Variants in DCAF6 observed in about 807,000 individuals in gnomAD.
DCAF6 encodes DDB1- and CUL4-associated factor 6.
A neutral mutation model predicts 125.1 loss-of-function variants in DCAF6; 54 were observed. The ratio of observed to expected loss-of-function variants is 0.43; its 90% CI spans 0.35 to 0.54. The LOEUF (loss-of-function observed/expected upper bound fraction) is 0.54. Among genes scored for constraint, DCAF6 ranks in the 20% least tolerant of loss-of-function variants. The pLI is 0.01. For missense variants in DCAF6, 934 were observed against 1,161.7 expected (o/e 0.80, Z 2.85); for synonymous variants, 371 against 390.4 (o/e 0.95, Z 0.58).
At chr1:168,021,890 C>G (rs1165707292) in intron 11 of DCAF6, among the ~76,000 whole-genome samples, 1 of 152,148 alleles carries the variant, frequency 6.6e-6, no homozygotes, top group South Asian at 2.1e-4. Context: ...CCATTATGAG[C>G]AGAAACTGGT....
chr1:168,064,908 C>T (rs1172877233), intron 18 of DCAF6, among the ~76,000 whole-genome samples: 1 of 152,132 alleles, frequency 6.6e-6, no homozygotes, highest in African/African-American at 2.4e-5. Flanking sequence ...GATTCTGCTT[C>T]ATAAAATTAA....
At chr1:167,976,645 T>C (rs1171875224) in intron 4 of DCAF6, among the ~76,000 whole-genome samples, 2 of 152,194 alleles carry the variant, frequency 1.3e-5, no homozygotes, top group Non-Finnish European at 2.9e-5. Flanking sequence ...AGTAAATATT[T>C]CTACTCTTCT....
chr1:168,009,399 CTT>C (rs1401675589), intron 10 of DCAF6, among the ~76,000 whole-genome samples: 2 of 138,696 alleles, frequency 1.4e-5, no homozygotes, highest in Admixed American at 7.0e-5. Context: ...TTCTTTCTTT[CTT>C]TCTCTCTCTC....
the DCAF6 span, among the ~76,000 whole-genome samples, chr1:167,864,195 G>T: frequency 6.6e-6 from 1 of 152,122 alleles, no homozygotes; most frequent in South Asian, 2.1e-4. Context: ...CTTTTTACCC[G>T]TTCTTTGTTT....
chr1:168,043,197 C>A, intron 14 of DCAF6, 57 bp downstream of exon 14: 1 of 1,254,226 alleles, frequency 8.0e-7, no homozygotes, highest in Non-Finnish European at 1.2e-6. Context: ...TGTTTATCTA[C>A]TTTCCTGTTC....
chr1:168,056,641 T>C (rs1363790676), intron 17 of DCAF6, among the ~76,000 whole-genome samples: 4 of 152,252 alleles, frequency 2.6e-5, no homozygotes, highest in Admixed American at 1.3e-4. Context: ...AATACTACAT[T>C]GTGTATACCT....
the DCAF6 span, chr1:167,920,714 T>C: frequency 5.2e-5 from 71 of 1,367,224 alleles, no homozygotes; most frequent in Non-Finnish European, 6.5e-5. Context: ...CAAGACATTT[T>C]TGAGATTTCC....
the DCAF6 span, among the ~76,000 whole-genome samples, chr1:167,887,555 G>T: frequency 6.6e-6 from 1 of 152,110 alleles, no homozygotes; most frequent in Non-Finnish European, 1.5e-5. Flanking sequence ...TGGGCTGGGG[G>T]GAAGGGGGAG....
intron 6 of DCAF6, among the ~76,000 whole-genome samples, chr1:167,992,532 T>G (rs1288920250): frequency 2.6e-5 from 4 of 152,196 alleles, no homozygotes; most frequent in African/African-American, 9.6e-5. Flanking sequence ...TAATATAATA[T>G]GAAATAATAG....
At chr1:167,889,189 A>C in the DCAF6 span, among the ~76,000 whole-genome samples, 1 of 152,166 alleles carries the variant, frequency 6.6e-6, no homozygotes, top group Non-Finnish European at 1.5e-5. Flanking sequence ...CTCCCTATTC[A>C]TTATGATACT....
chr1:167,982,175 C>T (rs1208908444), intron 4 of DCAF6, among the ~76,000 whole-genome samples: 5 of 151,980 alleles, frequency 3.3e-5, no homozygotes, highest in Non-Finnish European at 7.4e-5. Flanking sequence ...ATGCCTTTGG[C>T]GAAGTGTCTG....
chr1:167,919,840 TTA>T, the DCAF6 span: 5 of 537,070 alleles, frequency 9.3e-6, no homozygotes, highest in Non-Finnish European at 1.7e-5. Context: ...TGTCTTAGCA[TTA>T]TATATGAATC....
chr1:168,067,552 G>T (rs968473561), intron 20 of DCAF6, among the ~76,000 whole-genome samples: 2 of 152,214 alleles, frequency 1.3e-5, no homozygotes, highest in African/African-American at 4.8e-5. Flanking sequence ...ATGTGCCAAA[G>T]CATGAGAGGG....
intron 12 of DCAF6, among the ~76,000 whole-genome samples, chr1:168,024,636 T>G (rs1188610148): frequency 2.0e-5 from 3 of 151,966 alleles, no homozygotes; most frequent in Non-Finnish European, 2.9e-5. Flanking sequence ...TGAAACCCTG[T>G]CTCTACTAAA....
At position 168,023,044 on chromosome 1, in the gene DCAF6, C is replaced by T. The variant is rs780440274; in HGVS notation, c.1606C>T (p.Gln536Ter). Residue 536 changes from glutamine (Q) to a stop codon, truncating the protein, a stop_gained, in exon 12 of 22, where the codon CAG becomes TAG. Transcript: ENST00000367840. LOFTEE classifies it high-confidence loss of function. ...QLGSMSLDEQQDNNNEKLSPK... is the reference protein window; with the variant it reads ...QLGSMSLDEQ ...CGGATCCATGTCACTTGACGAGCAA[C>T]AGGGTGCGTGCAACAGGAGATGCGC... 6 of 1,614,124 alleles carry T rather than the reference C, an allele frequency of 3.7e-6. No homozygotes were observed. The highest frequency in any genetic ancestry group is 5.1e-6 in the Non-Finnish European group (6 of 1,180,002).
chr1:167,960,565 G>A (rs1675431998), intron 2 of DCAF6, among the ~76,000 whole-genome samples: 1 of 152,168 alleles, frequency 6.6e-6, no homozygotes, highest in East Asian at 1.9e-4. Flanking sequence ...GCCTCCCAAA[G>A]TGGTGGGATT....
intron 12 of DCAF6, among the ~76,000 whole-genome samples, chr1:168,027,101 T>C (rs557929451): frequency 6.6e-6 from 1 of 152,238 alleles, no homozygotes; most frequent in African/African-American, 2.4e-5. Flanking sequence ...GTCTGATAAA[T>C]CATTTTTTAA....
At chr1:167,882,829 C>T in the DCAF6 span, among the ~76,000 whole-genome samples, 2 of 152,164 alleles carry the variant, frequency 1.3e-5, no homozygotes, top group East Asian at 1.9e-4. Flanking sequence ...AACGTAATCT[C>T]GCCTTGTCCT....
At chr1:168,026,807 A>C (rs775087680) in intron 12 of DCAF6, among the ~76,000 whole-genome samples, 1 of 152,062 alleles carries the variant, frequency 6.6e-6, no homozygotes, top group Non-Finnish European at 1.5e-5. Flanking sequence ...GAAGTCACCA[A>C]AGTGATCTGA....
Sources: allele counts gnomAD v4.1 joint callset (sites outside exome capture counted in the v4.1 genomes callset), GRCh38; gene constraint gnomAD v4.1.1; transcripts MANE v1.5; gene names NCBI Gene and HGNC (gene_info 2026-07-23, HGNC 2026-07-21).